Variants in DEPTOR observed in about 807,000 individuals in gnomAD.
The protein encoded by DEPTOR is DEP domain-containing mTOR-interacting protein.
A neutral mutation model predicts 41.6 loss-of-function variants in DEPTOR; 41 were observed. The observed-to-expected ratio is 0.98, with a 90% CI of 0.77 to 1.28. The LOEUF (loss-of-function observed/expected upper bound fraction) is 1.28. Among genes scored for constraint, DEPTOR ranks in the 50% most tolerant of loss-of-function variants. The pLI is 0.00. For missense variants in DEPTOR, 514 were observed against 527.9 expected, an observed-to-expected ratio of 0.97 and a Z score of 0.26; for synonymous variants, 195 against 192.3, an observed-to-expected ratio of 1.01 and a Z score of -0.12.
chr8:120,007,393 T>C (rs1015356705), intron 7 of DEPTOR, among the ~76,000 whole-genome samples: 1 of 152,086 alleles, frequency 6.6e-6, no homozygotes, highest in Non-Finnish European at 1.5e-5. Context: ...GCAGGGTGCT[T>C]CGACAATGTG....
At chr8:119,929,774 T>C in intron 2 of DEPTOR, 41 bp from the exon 3 acceptor site, 2 of 1,561,576 alleles carry the variant, frequency 1.3e-6, no homozygotes, top group Non-Finnish European at 8.7e-7. Flanking sequence ...ATAAGAGCGA[T>C]TTTTTTTCTC....
chr8:120,013,112 G>A lies in DEPTOR; in HGVS notation c.1101+3979G>A, dbSNP rs554894326. Among the ~76,000 whole-genome samples, 427 of 146,522 alleles carry A rather than the reference G, an allele frequency of 2.9e-3. 3 individuals are homozygous for A. The highest frequency in any genetic ancestry group is 0.01 in the African/African-American group (409 of 39,612). ...GCAGAGGTTGTAGTGAGCCAAGATT[G>A]CACCATTGCACTCCAGCCTGGGTGA... On this transcript the variant is annotated intron_variant, in intron 8 of 8. Coordinates refer to ENST00000286234, the MANE Select transcript of DEPTOR (RefSeq NM_022783.4).
rs550593617 is a variant in DEPTOR, at chr8:119,883,779, C to T, written c.122+9811C>T. Among the ~76,000 whole-genome samples, 12 of 152,280 alleles carry T rather than the reference C, an allele frequency of 7.9e-5. No homozygotes were observed. In the East Asian group the frequency reaches 1.5e-3, roughly 20 times the overall value. ...CAGATTTTGGGTTCTGATATTTACCCGGAAGCTCTCTTCATTGAGTAAGCC... is the reference window on the plus strand; with the variant it reads ...CAGATTTTGGGTTCTGATATTTACCTGGAAGCTCTCTTCATTGAGTAAGCC... On this transcript the variant is annotated intron_variant, in intron 1 of 8. Transcript: ENST00000286234.
rs71571643 is a variant in DEPTOR at position 119,988,958 on chromosome 8, CTTTTTTTTTT to C, written c.605-12554_605-12545del. Among the ~76,000 whole-genome samples the C allele has an allele frequency of 2.7e-3, 256 of 93,928 alleles. 7 individuals carry two copies. In the East Asian group the frequency reaches 0.082, roughly 30 times the overall value. The allele number at this position is 93,928 out of a possible 152,430, so 61.6% of individuals were successfully genotyped here. On this transcript the variant is annotated intron_variant, in intron 4 of 8. Transcript: ENST00000286234. ...GCTATAGCCATATCCTTTTTTTTTT[CTTTTTTTTTT>C]TTTTTTTTTTTTAATAGAGATGGGG... is the stretch of plus-strand genomic sequence containing the variant.
chr8:119,892,347 A>G (rs527811405), intron 1 of DEPTOR, among the ~76,000 whole-genome samples: 124 of 152,328 alleles, frequency 8.1e-4, no homozygotes, highest in African/African-American at 3.0e-3. Flanking sequence ...TCCACTATTA[A>G]TAAGATTAAG....
Position 120,049,941 on chromosome 8 carries a change from G to A in DEPTOR, c.*237G>A, listed in dbSNP as rs1218080620. ...TGGGAAACCATTTTCCTACATGATA[G>A]AACTGCCTTACTAGATTTCTATTTG... On this transcript the variant is annotated 3_prime_UTR_variant, in exon 9 of 9. Coordinates refer to ENST00000286234, the MANE Select transcript of DEPTOR (RefSeq NM_022783.4). 1 of 361,232 alleles carries A rather than the reference G, an allele frequency of 2.8e-6. No individual in the cohort carries two copies. The highest frequency in any genetic ancestry group is 4.9e-6 in the Non-Finnish European group (1 of 202,740). 22.4% of individuals were successfully genotyped at this position (361,232 alleles called of 1,614,324 possible). A position where few individuals can be genotyped will look rare whatever the true frequency, so the allele number is the denominator to read the frequency against.
intron 8 of DEPTOR, among the ~76,000 whole-genome samples, chr8:120,038,507 A>G (rs1374123739): frequency 6.6e-6 from 1 of 150,588 alleles, no homozygotes; most frequent in Non-Finnish European, 1.5e-5. Flanking sequence ...GGGAGGATAT[A>G]GCTTGAACTT....
intron 1 of DEPTOR, among the ~76,000 whole-genome samples, chr8:119,912,915 T>G (rs530631659): frequency 1.3e-5 from 2 of 152,246 alleles, no homozygotes; most frequent in South Asian, 4.1e-4. Flanking sequence ...TTTTTTTGTT[T>G]TTGTTTTTTG....
intron 8 of DEPTOR, among the ~76,000 whole-genome samples, chr8:120,040,860 T>C (rs183658716): frequency 3.7e-4 from 57 of 152,306 alleles, no homozygotes; most frequent in Admixed American, 3.5e-3. Context: ...TCTACTTGAT[T>C]AAGATTTTAG....
rs77301570 is a variant in DEPTOR at position 119,880,682 on chromosome 8, T to C, written c.122+6714T>C. On this transcript the variant is annotated intron_variant, in intron 1 of 8. Transcript: ENST00000286234. ...TTTATATTTTGACAAGGTAGGATTGTCACTTTCTCTACTAAATATTAAACT... is the reference window on the plus strand; with the variant it reads ...TTTATATTTTGACAAGGTAGGATTGCCACTTTCTCTACTAAATATTAAACT... Among the ~76,000 whole-genome samples the C allele has an allele frequency of 1.6e-4, 24 of 152,360 alleles. No individual in the cohort carries two copies. The East Asian group carries it at 4.4e-3, about 28-fold the overall frequency.
intron 3 of DEPTOR, among the ~76,000 whole-genome samples, chr8:119,938,526 T>A (rs72673640): frequency 1.3e-5 from 2 of 152,252 alleles, no homozygotes; most frequent in Admixed American, 6.5e-5. Flanking sequence ...AATTTTTTTT[T>A]AATTGAGACA....
At chr8:119,971,196 G>A (rs1257736387) in intron 4 of DEPTOR, among the ~76,000 whole-genome samples, 5 of 142,614 alleles carry the variant, frequency 3.5e-5, no homozygotes, top group Non-Finnish European at 4.5e-5. Context: ...TTGCGCCACC[G>A]CTCCAGCCTG....
Position 119,938,512 on chromosome 8 carries a change from T to C in DEPTOR, c.425+8574T>C, listed in dbSNP as rs150284610. On this transcript the variant is annotated intron_variant, in intron 3 of 8. Coordinates refer to ENST00000286234, the MANE Select transcript of DEPTOR (RefSeq NM_022783.4). Reference sequence around the variant, plus strand: ...GCTCCTGAAATCTGTATCTTTCTTTTTTCAATTTTTTTTTAATTGAGACAG... The same window carrying C: ...GCTCCTGAAATCTGTATCTTTCTTTCTTCAATTTTTTTTTAATTGAGACAG... Among the ~76,000 whole-genome samples, 687 of 152,252 alleles carry C rather than the reference T, an allele frequency of 4.5e-3. 3 individuals carry two copies. Among genetic ancestry groups the C allele is most frequent in the African/African-American group, 0.016 (666 of 41,546 alleles).
intron 1 of DEPTOR, among the ~76,000 whole-genome samples, chr8:119,892,161 G>A (rs1484242821): frequency 6.6e-6 from 1 of 152,154 alleles, no homozygotes; most frequent in African/African-American, 2.4e-5. Context: ...ACCACGCCCA[G>A]CTAATTTTTG....
At chr8:119,931,168 G>A (rs1367644866) in intron 3 of DEPTOR, among the ~76,000 whole-genome samples, 7 of 152,010 alleles carry the variant, frequency 4.6e-5, no homozygotes, top group African/African-American at 1.4e-4. Flanking sequence ...CCGGGATCAC[G>A]TTACTGCACT....
intron 1 of DEPTOR, chr8:119,874,215 T>G: frequency 1.8e-6 from 1 of 546,618 alleles, no homozygotes. Flanking sequence ...CGCTGCGCCC[T>G]AGCCTGGCTG....
Position 120,049,875 on chromosome 8 carries a change from G to C in DEPTOR, c.*171G>C. 1 of 695,500 alleles carries C rather than the reference G, an allele frequency of 1.4e-6. No individual in the cohort carries two copies. The highest frequency in any genetic ancestry group is 2.1e-6 in the Non-Finnish European group (1 of 481,330). The allele number at this position is 695,500 out of a possible 1,614,324, so 43.1% of individuals were successfully genotyped here. Reference sequence around the variant, plus strand: ...TATACACTGAATGTGGAAGAACCGGGTATCATATCTTTTTTAAAAAATGTC... The same window carrying C: ...TATACACTGAATGTGGAAGAACCGGCTATCATATCTTTTTTAAAAAATGTC... On this transcript the variant is annotated 3_prime_UTR_variant, in exon 9 of 9. Transcript: ENST00000286234.
chr8:120,002,943 C>T, intron 5 of DEPTOR, 34 bp from the exon 6 acceptor site: 1 of 1,547,820 alleles, frequency 6.5e-7, no homozygotes. Flanking sequence ...AGACCACCCC[C>T]TTGGTGACTG....
chr8:119,933,374 C>T (rs1828069887), intron 3 of DEPTOR, among the ~76,000 whole-genome samples: 1 of 151,418 alleles, frequency 6.6e-6, no homozygotes, highest in Non-Finnish European at 1.5e-5. Context: ...CCTGTAATCC[C>T]AGCTACTTGG....
Sources: gnomAD v4.1 joint callset for allele counts (sites outside exome capture counted in the v4.1 genomes callset) on GRCh38, gnomAD v4.1.1 for gene constraint, MANE v1.5 for transcripts, NCBI Gene and HGNC (gene_info 2026-07-23, HGNC 2026-07-21) for gene names.